CALN1: variants seen among roughly 807,000 people sequenced by gnomAD.
The protein encoded by CALN1 is calneuron 1.
In CALN1, 17 loss-of-function variants were observed where a neutral mutation model predicts 30.6. That is an observed-to-expected ratio of 0.56 (90% CI 0.38 to 0.83). The LOEUF (loss-of-function observed/expected upper bound fraction) is 0.83. Ranked by LOEUF, CALN1 falls within the 40% of genes least tolerant of loss-of-function variation. The pLI is 0.00. For missense variants in CALN1, 291 were observed against 354.9 expected (o/e 0.82, Z 1.45); for synonymous variants, 156 against 131.4 (o/e 1.19, Z -1.28).
intron 5 of CALN1, among the ~76,000 whole-genome samples, chr7:71,861,777 C>CAAAAA (rs35793572): frequency 1.3e-4 from 10 of 74,708 alleles, no homozygotes; most frequent in Admixed American, 1.8e-4. Context: ...CAACTCTATC[C>CAAAAA]AAAAAAAAAA....
chr7:72,122,175 G>A lies in CALN1; in HGVS notation c.245-15881C>T, dbSNP rs545337772. Reference sequence around the variant, plus strand: ...GTGGCAAACTGAGTGGAATGTATCCGTGAACAACATGGCAATAATCAATAC... The same window carrying A: ...GTGGCAAACTGAGTGGAATGTATCCATGAACAACATGGCAATAATCAATAC... On this transcript the variant is annotated intron_variant, in intron 3 of 6. Coordinates refer to ENST00000395275, the MANE Select transcript of CALN1 (RefSeq NM_031468.4). Among the ~76,000 whole-genome samples, 13 of 152,148 alleles carry A rather than the reference G, an allele frequency of 8.5e-5. No individual in the cohort carries two copies. In the South Asian group the frequency reaches 2.7e-3, roughly 32 times the overall value.
intron 2 of CALN1, among the ~76,000 whole-genome samples, chr7:72,363,547 A>G (rs1396569644): frequency 6.6e-6 from 1 of 150,730 alleles, no homozygotes; most frequent in African/African-American, 2.5e-5. Flanking sequence ...CCTAATTTTA[A>G]AAAGACAAAT....
At chr7:72,118,331 T>A (rs1350697375) in intron 3 of CALN1, among the ~76,000 whole-genome samples, 1 of 152,174 alleles carries the variant, frequency 6.6e-6, no homozygotes, top group African/African-American at 2.4e-5. Context: ...GTCAACTCCT[T>A]CCCTAGCTAT....
intron 4 of CALN1, among the ~76,000 whole-genome samples, chr7:72,077,517 G>A (rs1388769798): frequency 6.6e-6 from 1 of 152,110 alleles, no homozygotes; most frequent in Admixed American, 6.5e-5. Flanking sequence ...CAAGTGATCT[G>A]CCCGCCTCGG....
intron 3 of CALN1, among the ~76,000 whole-genome samples, chr7:72,154,742 T>C (rs13235059): frequency 0.23 from 35,652 of 152,012 alleles, 5,161 homozygotes; most frequent in East Asian, 0.68. Flanking sequence ...GCTGGTGTCC[T>C]TAATAAGAAG....
intron 5 of CALN1, among the ~76,000 whole-genome samples, chr7:71,996,873 G>C (rs1307030035): frequency 6.6e-6 from 1 of 151,946 alleles, no homozygotes; most frequent in Non-Finnish European, 1.5e-5. Context: ...ATCTCAACAA[G>C]TAAATAAGAG....
At chr7:72,258,701 CAAG>C (rs1278013626) in intron 3 of CALN1, among the ~76,000 whole-genome samples, 1 of 152,056 alleles carries the variant, frequency 6.6e-6, no homozygotes, top group Non-Finnish European at 1.5e-5. Flanking sequence ...GCAGATCACC[CAAG>C]GTCAGGAGTT....
intron 3 of CALN1, among the ~76,000 whole-genome samples, chr7:72,243,967 T>C (rs1795002848): frequency 6.6e-6 from 1 of 152,218 alleles, no homozygotes; most frequent in Non-Finnish European, 1.5e-5. Context: ...CTATCTACCG[T>C]ACAATGGTCT....
At chr7:72,035,813 C>T (rs1340204249) in intron 4 of CALN1, among the ~76,000 whole-genome samples, 3 of 152,178 alleles carry the variant, frequency 2.0e-5, no homozygotes, top group Non-Finnish European at 4.4e-5. Flanking sequence ...AAACCACAAA[C>T]TAGTAATTTT....
intron 5 of CALN1, among the ~76,000 whole-genome samples, chr7:72,010,939 G>A (rs1181679203): frequency 6.6e-6 from 1 of 152,032 alleles, no homozygotes; most frequent in Non-Finnish European, 1.5e-5. Flanking sequence ...CGGATCATGG[G>A]GTCAAGAGAT....
At chr7:72,205,008 G>A (rs1348178968) in intron 3 of CALN1, among the ~76,000 whole-genome samples, 2 of 151,912 alleles carry the variant, frequency 1.3e-5, no homozygotes, top group Non-Finnish European at 2.9e-5. Context: ...TGCCAACAAT[G>A]GATATCTACT....
intron 3 of CALN1, among the ~76,000 whole-genome samples, chr7:72,192,625 T>TTTATTATTA (rs140672013): frequency 1.4e-5 from 2 of 143,806 alleles, no homozygotes; most frequent in African/African-American, 2.5e-5. Context: ...TCCCATTTCT[T>TTTATTATTA]TTATTATTAT....
At chr7:71,854,453 T>C (rs773086808) in intron 5 of CALN1, among the ~76,000 whole-genome samples, 23 of 152,166 alleles carry the variant, frequency 1.5e-4, no homozygotes, top group Non-Finnish European at 2.6e-4. Context: ...AAATCAGGAA[T>C]GTGCTATTTA....
chr7:71,922,545 A>G, intron 5 of CALN1, among the ~76,000 whole-genome samples: 1 of 129,786 alleles, frequency 7.7e-6, no homozygotes, highest in East Asian at 2.0e-4. Context: ...ATATATAAAT[A>G]TATAACACAC....
chr7:71,862,478 C>T (rs528902821), intron 5 of CALN1, among the ~76,000 whole-genome samples: 2 of 152,288 alleles, frequency 1.3e-5, no homozygotes, highest in South Asian at 4.1e-4. Flanking sequence ...TGCCTGTTGC[C>T]ATGTAAGACG....
chr7:72,426,233 A>G (rs1034464931), intron 1 of CALN1, among the ~76,000 whole-genome samples: 6 of 152,248 alleles, frequency 3.9e-5, no homozygotes, highest in Non-Finnish European at 8.8e-5. Flanking sequence ...CGGCTGGCCC[A>G]TCTAATGCCT....
intron 3 of CALN1, among the ~76,000 whole-genome samples, chr7:72,219,669 ACACACATGCATACACATG>A (rs1019784269): frequency 4.6e-5 from 6 of 129,874 alleles, no homozygotes; most frequent in Admixed American, 2.3e-4. Context: ...ACACCCTTGC[ACACACATGCATACACATG>A]CACACATGCA....
At chr7:71,964,069 T>G (rs1735724011) in intron 5 of CALN1, among the ~76,000 whole-genome samples, 1 of 152,242 alleles carries the variant, frequency 6.6e-6, no homozygotes, top group Non-Finnish European at 1.5e-5. Flanking sequence ...TTAAGGTTTA[T>G]CCACACTGCT....
chr7:72,062,889 C>A (rs1055815825), intron 4 of CALN1, among the ~76,000 whole-genome samples: 24 of 152,130 alleles, frequency 1.6e-4, no homozygotes, highest in Non-Finnish European at 2.5e-4. Context: ...TCTACCAAAA[C>A]ATTTAAAGAA....
Sources: gnomAD v4.1 joint callset for allele counts (sites outside exome capture counted in the v4.1 genomes callset) on GRCh38, gnomAD v4.1.1 for gene constraint, MANE v1.5 for transcripts, NCBI Gene and HGNC (gene_info 2026-07-23, HGNC 2026-07-21) for gene names.